Variants in PACRG observed in about 807,000 individuals in gnomAD.
PACRG encodes the protein parkin coregulated gene protein.
In PACRG, 29 loss-of-function variants were observed where a neutral mutation model predicts 29.7. That is an observed-to-expected ratio of 0.98 (90% CI 0.73 to 1.33). The LOEUF is 1.33. Among genes scored for constraint, PACRG ranks in the 40% most tolerant of loss-of-function variants. PACRG has a pLI of 0.00. For missense variants in PACRG, 279 were observed against 316.2 expected (o/e 0.88, Z 0.89); for synonymous variants, 116 against 118.7 (o/e 0.98, Z 0.15).
At chr6:162,976,221 T>A (rs1801946650) in intron 2 of PACRG, among the ~76,000 whole-genome samples, 1 of 152,204 alleles carries the variant, frequency 6.6e-6, no homozygotes, top group Non-Finnish European at 1.5e-5. Context: ...TTTTAAAACT[T>A]AAATTGTAAG....
intron 4 of PACRG, among the ~76,000 whole-genome samples, chr6:163,248,023 A>G (rs2128170990): frequency 6.6e-6 from 1 of 152,314 alleles, no homozygotes; most frequent in South Asian, 2.1e-4. Context: ...TTCCAGGTAA[A>G]GCCAAAGACT....
chr6:163,056,988 C>T (rs906144028), intron 2 of PACRG, among the ~76,000 whole-genome samples: 10 of 152,132 alleles, frequency 6.6e-5, no homozygotes, highest in African/African-American at 2.4e-4. Flanking sequence ...TGTTGAAGCA[C>T]CTCTAGTCTT....
At chr6:163,277,441 T>C (rs1369419647) in intron 4 of PACRG, among the ~76,000 whole-genome samples, 1 of 150,956 alleles carries the variant, frequency 6.6e-6, no homozygotes, top group African/African-American at 2.4e-5. Context: ...ATTTCGTTCC[T>C]TTTTATGGCT....
chr6:162,969,985 G>A (rs1396339799), intron 2 of PACRG, among the ~76,000 whole-genome samples: 3 of 152,182 alleles, frequency 2.0e-5, no homozygotes, highest in Non-Finnish European at 2.9e-5. Context: ...ATGAATGGTC[G>A]AATGAAAAGT....
chr6:162,995,209 GC>G (rs1416515092), intron 2 of PACRG, among the ~76,000 whole-genome samples: 1 of 148,852 alleles, frequency 6.7e-6, no homozygotes, highest in Non-Finnish European at 1.5e-5. Flanking sequence ...TCTGTGCCCT[GC>G]CCCCAGAGGT....
chr6:162,855,654 T>C (rs1390981941), intron 2 of PACRG, among the ~76,000 whole-genome samples: 1 of 152,214 alleles, frequency 6.6e-6, no homozygotes, highest in African/African-American at 2.4e-5. Flanking sequence ...AATTTGAATG[T>C]AACTTATGAC....
At chr6:163,184,238 A>G (rs1779809065) in intron 4 of PACRG, among the ~76,000 whole-genome samples, 1 of 152,258 alleles carries the variant, frequency 6.6e-6, no homozygotes, top group South Asian at 2.1e-4. Context: ...GGATGCATAG[A>G]TAATAGAACA....
intron 3 of PACRG, among the ~76,000 whole-genome samples, chr6:163,086,258 T>TAG (rs1416834721): frequency 6.6e-6 from 1 of 152,232 alleles, no homozygotes; most frequent in Non-Finnish European, 1.5e-5. Context: ...TAAGACCAGA[T>TAG]AGAGAGTCTC....
At chr6:163,160,635 T>A (rs115072805) in intron 4 of PACRG, among the ~76,000 whole-genome samples, 1 of 152,330 alleles carries the variant, frequency 6.6e-6, no homozygotes, top group African/African-American at 2.4e-5. Flanking sequence ...GTGGACAATA[T>A]GGACATCATG....
At chr6:162,727,679 T>A (rs765760680), upstream of PACRG, 1 of 1,577,644 alleles carries the variant, frequency 6.3e-7, no homozygotes, top group African/African-American at 1.4e-5. Context: ...GGTCACTGGG[T>A]AGGTGGCGGC....
At chr6:163,046,664 C>T (rs1404612395) in intron 2 of PACRG, 2 of 152,100 alleles carry the variant, frequency 1.3e-5, no homozygotes, top group Non-Finnish European at 2.9e-5. Context: ...TTGATTCATT[C>T]TTTCGACAAG....
intron 2 of PACRG, among the ~76,000 whole-genome samples, chr6:162,848,895 A>G (rs1403787190): frequency 6.6e-6 from 1 of 152,250 alleles, no homozygotes; most frequent in Non-Finnish European, 1.5e-5. Context: ...AGGTCTGTGT[A>G]TATAAAATAC....
intron 2 of PACRG, among the ~76,000 whole-genome samples, chr6:163,050,052 T>A (rs1040984582): frequency 6.4e-4 from 97 of 152,266 alleles, no homozygotes; most frequent in African/African-American, 2.3e-3. Context: ...ATTTTCCCTT[T>A]TATGATAATC....
chr6:163,315,101 A>T lies in PACRG; in HGVS notation c.*114A>T. On this transcript the variant is annotated 3_prime_UTR_variant, in exon 5 of 5. Coordinates refer to ENST00000366888, the MANE Select transcript of PACRG (RefSeq NM_001080379.2). ...CACAGCTTTCTTTTCTACAGCTGCT[A>T]AAATAGTGGCTTATGGGCCATTGGA... 7.8e-7 allele frequency: 1 copy of T among 1,284,856 alleles called. No homozygotes were observed. Among genetic ancestry groups the T allele is most frequent in the South Asian group, 1.5e-5 (1 of 67,776 alleles). 79.6% of individuals were successfully genotyped at this position (1,284,856 alleles called of 1,614,324 possible).
chr6:163,230,455 T>C (rs933263032), intron 4 of PACRG, among the ~76,000 whole-genome samples: 1 of 152,126 alleles, frequency 6.6e-6, no homozygotes, highest in African/African-American at 2.4e-5. Flanking sequence ...GACTTCCCTT[T>C]CCTCCTCCTA....
intron 2 of PACRG, among the ~76,000 whole-genome samples, chr6:162,869,983 G>A (rs1289379638): frequency 6.6e-6 from 1 of 152,112 alleles, no homozygotes; most frequent in Non-Finnish European, 1.5e-5. Flanking sequence ...ATAAAAAGGA[G>A]GCAAATTATA....
chr6:162,851,928 AAAAG>A (rs1418510595), intron 2 of PACRG, among the ~76,000 whole-genome samples: 2 of 150,100 alleles, frequency 1.3e-5, no homozygotes, highest in Admixed American at 6.6e-5. Flanking sequence ...AAGAGAAAAG[AAAAG>A]AAAGGAAGGG....
At chr6:163,287,420 G>A (rs1033769331) in intron 4 of PACRG, among the ~76,000 whole-genome samples, 7 of 152,140 alleles carry the variant, frequency 4.6e-5, no homozygotes, top group African/African-American at 7.2e-5. Flanking sequence ...AGCAGCCTTC[G>A]CCGCCACGTT....
At chr6:162,855,072 G>C (rs1324831269) in intron 2 of PACRG, among the ~76,000 whole-genome samples, 1 of 152,256 alleles carries the variant, frequency 6.6e-6, no homozygotes, top group Non-Finnish European at 1.5e-5. Flanking sequence ...GCAGTCTCAT[G>C]TGAACCATGA....
Sources: allele counts gnomAD v4.1 joint callset (sites outside exome capture counted in the v4.1 genomes callset), GRCh38; gene constraint gnomAD v4.1.1; transcripts MANE v1.5; gene names NCBI Gene and HGNC (gene_info 2026-07-23, HGNC 2026-07-21).